ARHGEF18: variants seen among roughly 807,000 people sequenced by gnomAD.
ARHGEF18 encodes the protein rho guanine nucleotide exchange factor 18.
ARHGEF18 carries 93 observed loss-of-function variants against 155.7 expected under a neutral mutation model. The observed-to-expected ratio is 0.60, with a 90% CI of 0.50 to 0.71. The LOEUF (loss-of-function observed/expected upper bound fraction) is 0.71. ARHGEF18 is among the 30% of genes least tolerant of loss of function. The pLI, the probability that ARHGEF18 is intolerant of heterozygous loss-of-function variation, is 0.00. For missense variants in ARHGEF18, 1,593 were observed against 1,816.1 expected (o/e 0.88, Z 2.23); for synonymous variants, 742 against 753.1 (o/e 0.99, Z 0.24).
chr19:7,456,259 G>C (rs571265895), intron 17 of ARHGEF18, 68 bp from the exon 18 acceptor site: 1 of 1,430,384 alleles, frequency 7.0e-7, no homozygotes, highest in Non-Finnish European at 9.9e-7. Context: ...TGGCATCCGC[G>C]GGGGTGGCCA....
rs1180981980 is a variant in ARHGEF18, at chr19:7,367,743, T to C, written c.15+4838T>C. ...CCTAGGCAACAAGAGTGAAACTCCA[T>C]CTCAAAAAAAAAAAAATATATATAT... On this transcript the variant is annotated intron_variant, in intron 2 of 28. Coordinates refer to ENST00000668164, the MANE Select transcript of ARHGEF18 (RefSeq NM_001367823.1). 2.7e-5 allele frequency among the ~76,000 whole-genome samples: 3 copies of C among 110,038 alleles called. 1 individual carries two copies. Among genetic ancestry groups the C allele is most frequent in the Non-Finnish European group, 5.2e-5 (3 of 57,660 alleles). 72.2% of individuals were successfully genotyped at this position (110,038 alleles called of 152,430 possible). A position where few individuals can be genotyped will look rare whatever the true frequency, so the allele number is the denominator to read the frequency against.
intron 10 of ARHGEF18, among the ~76,000 whole-genome samples, chr19:7,397,098 A>G (rs1285127078): frequency 1.1e-4 from 9 of 83,704 alleles, no homozygotes; most frequent in East Asian, 4.0e-4. Flanking sequence ...CCTTTTTGCG[A>G]AAAAAAAAAA....
chr19:7,443,922 A>G (rs897371495), intron 13 of ARHGEF18, among the ~76,000 whole-genome samples: 19 of 150,022 alleles, frequency 1.3e-4, no homozygotes, highest in African/African-American at 4.7e-4. Flanking sequence ...AAAAAAAAAC[A>G]CGGACTTAAA....
intron 2 of ARHGEF18, among the ~76,000 whole-genome samples, chr19:7,368,177 A>G (rs1970029379): frequency 6.6e-6 from 1 of 152,058 alleles, no homozygotes; most frequent in African/African-American, 2.4e-5. Flanking sequence ...AACAAGATCA[A>G]TAACTATTTA....
downstream of ARHGEF18, chr19:7,477,209 G>A (rs781273865): frequency 6.7e-7 from 1 of 1,501,400 alleles, no homozygotes; most frequent in Admixed American, 2.4e-5. Context: ...GTGTCAGGGG[G>A]TAGTGGCCTC....
chr19:7,380,074 G>A (rs1970650889), intron 7 of ARHGEF18, among the ~76,000 whole-genome samples: 1 of 151,860 alleles, frequency 6.6e-6, no homozygotes, highest in East Asian at 1.9e-4. Flanking sequence ...GGGGTGTGGG[G>A]GTGTTGACGC....
intron 10 of ARHGEF18, among the ~76,000 whole-genome samples, chr19:7,409,577 GCCA>G (rs1190807279): frequency 2.0e-5 from 3 of 151,100 alleles, no homozygotes; most frequent in African/African-American, 7.3e-5. Flanking sequence ...ACAGGCGCCT[GCCA>G]CCACCTCCAG....
In ARHGEF18 at chr19:7,470,100, C is replaced by T. The variant is rs144464767; in HGVS notation, c.3914-26C>T. The T allele has an allele frequency of 2.0e-3, 3,256 of 1,611,878 alleles. 67 individuals carry two copies. The African/African-American group carries it at 0.039, about 19-fold the overall frequency. ...GCTGCGGCACCACCCGGCGACTGCT[C>T]AGTCTGAACCCTCTCTCTGTTCCAG... On this transcript the variant is annotated intron_variant, in intron 28 of 28. Coordinates refer to ENST00000668164, the MANE Select transcript of ARHGEF18 (RefSeq NM_001367823.1). The surrounding 1 kb of genome is among the most constrained non-coding windows in gnomAD (Gnocchi z 5.9).
Position 7,440,658 on chromosome 19 carries a change from C to A in ARHGEF18, c.1106+176C>A, listed in dbSNP as rs1470570760. Among the ~76,000 whole-genome samples, 1 of 152,032 alleles carries A rather than the reference C, an allele frequency of 6.6e-6. No homozygotes were observed. Among genetic ancestry groups the A allele is most frequent in the African/African-American group, 2.4e-5 (1 of 41,404 alleles). ...GCTTCCAGGATCCACGCCTTTTTTGCAAAAACGATGTGTCCCGGGGTGTAT... is the reference window on the plus strand; with the variant it reads ...GCTTCCAGGATCCACGCCTTTTTTGAAAAAACGATGTGTCCCGGGGTGTAT... On this transcript the variant is annotated intron_variant, in intron 11 of 28. Coordinates refer to ENST00000668164, the MANE Select transcript of ARHGEF18 (RefSeq NM_001367823.1). This position sits in a 1 kb window ranked among gnomAD's most constrained non-coding sequence, Gnocchi z 5.4.
chr19:7,392,721 G>GAAAAAAAAAAAAAAA (rs112251185), intron 10 of ARHGEF18: 1 of 72,836 alleles, frequency 1.4e-5, no homozygotes, highest in African/African-American at 3.6e-5. Flanking sequence ...TCTCAAGAAA[G>GAAAAAAAAAAAAAAA]AAAAAAAAAA....
intron 10 of ARHGEF18, among the ~76,000 whole-genome samples, chr19:7,405,666 A>G (rs917891114): frequency 6.6e-6 from 1 of 152,154 alleles, no homozygotes; most frequent in Non-Finnish European, 1.5e-5. Flanking sequence ...GCTGGAGTGC[A>G]GTGGTGCGAT....
chr19:7,372,750 C>G (rs939822786), intron 2 of ARHGEF18, 62 bp from the exon 3 acceptor site: 1 of 1,231,052 alleles, frequency 8.1e-7, no homozygotes, highest in African/African-American at 1.6e-5. Context: ...GTCAAGAGAC[C>G]CCAGGTTCTG....
chr19:7,401,880 T>C (rs1972033451), intron 10 of ARHGEF18, among the ~76,000 whole-genome samples: 1 of 152,100 alleles, frequency 6.6e-6, no homozygotes, highest in Non-Finnish European at 1.5e-5. Flanking sequence ...CGCCATACTG[T>C]GGAATATTAC....
At chr19:7,413,294 C>CTTTTT (rs71179106) in intron 10 of ARHGEF18, among the ~76,000 whole-genome samples, 1 of 138,290 alleles carries the variant, frequency 7.2e-6, no homozygotes, top group Non-Finnish European at 1.6e-5. Flanking sequence ...AAACAAAAAG[C>CTTTTT]TTTTTTTTTT....
chr19:7,383,015 C>A (rs1038654381), intron 9 of ARHGEF18, 47 bp from the exon 10 acceptor site: 11 of 1,232,178 alleles, frequency 8.9e-6, no homozygotes, highest in Non-Finnish European at 1.1e-5. Context: ...TATAAGAGGG[C>A]CAGTGCCTGC....
chr19:7,425,829 G>A (rs926311589), intron 10 of ARHGEF18, among the ~76,000 whole-genome samples: 1 of 151,716 alleles, frequency 6.6e-6, no homozygotes, highest in Non-Finnish European at 1.5e-5. Flanking sequence ...GCAACACCCT[G>A]TCTCTACAAA....
In ARHGEF18 at chr19:7,444,162, T is replaced by A; in HGVS notation, c.1361-42T>A. 6.2e-7 allele frequency: 1 copy of A among 1,600,166 alleles called. No individual in the cohort carries two copies. Among genetic ancestry groups the A allele is most frequent in the Non-Finnish European group, 8.5e-7 (1 of 1,170,744 alleles). On this transcript the variant is annotated intron_variant, in intron 13 of 28. Coordinates refer to ENST00000668164, the MANE Select transcript of ARHGEF18 (RefSeq NM_001367823.1). This position sits in a 1 kb window ranked among gnomAD's most constrained non-coding sequence, Gnocchi z 4.7. ...CACCCACGACTGCCCAGCGGGGCCG[T>A]GGAGCCAGCATGGCTAAGTCCTGCC...
At chr19:7,453,395 A>C in intron 16 of ARHGEF18, 72 bp from the exon 17 acceptor site, 1 of 1,513,020 alleles carries the variant, frequency 6.6e-7, no homozygotes, top group Non-Finnish European at 8.9e-7. Context: ...ACATGTCCAT[A>C]CATAGTGAGT....
chr19:7,431,510 C>CAAAAAAAAAAAAAAA (rs34609858), intron 10 of ARHGEF18, among the ~76,000 whole-genome samples: 1 of 51,294 alleles, frequency 1.9e-5, no homozygotes, highest in East Asian at 6.6e-4. Flanking sequence ...GACTCCATCT[C>CAAAAAAAAAAAAAAA]AAAAAAAAAA....
Sources: gnomAD v4.1 joint callset for allele counts (sites outside exome capture counted in the v4.1 genomes callset) on GRCh38, gnomAD v4.1.1 for gene constraint, Gnocchi (gnomAD v3.1) non-coding constraint, MANE v1.5 for transcripts, NCBI Gene and HGNC (gene_info 2026-07-23, HGNC 2026-07-21) for gene names.